Variants in TSPEAR observed in about 807,000 individuals in gnomAD.
The protein encoded by TSPEAR is thrombospondin-type laminin G domain and EAR repeat-containing protein.
In TSPEAR, 69 loss-of-function variants were observed where a neutral mutation model predicts 71.6. The ratio of observed to expected loss-of-function variants is 0.96; its 90% CI spans 0.79 to 1.18. The LOEUF is 1.18. Among genes scored for constraint, TSPEAR ranks in the 50% most tolerant of loss-of-function variants. The pLI, the probability that TSPEAR is intolerant of heterozygous loss-of-function variation, is 0.00. For missense variants in TSPEAR, 971 were observed against 894.9 expected, an observed-to-expected ratio of 1.09 and a Z score of -1.09; for synonymous variants, 402 against 387.2, an observed-to-expected ratio of 1.04 and a Z score of -0.45.
intron 1 of TSPEAR, among the ~76,000 whole-genome samples, chr21:44,706,554 C>T (rs1399307482): frequency 6.6e-6 from 1 of 152,242 alleles, no homozygotes; most frequent in East Asian, 1.9e-4. Context: ...CTCCGACCCA[C>T]ACGCAGCACT....
chr21:44,682,904 GGC>G (rs1986676593), intron 1 of TSPEAR, among the ~76,000 whole-genome samples: 1 of 152,184 alleles, frequency 6.6e-6, no homozygotes, highest in Non-Finnish European at 1.5e-5. Context: ...GTGGAGAGCA[GGC>G]CCCACACTGT....
intron 1 of TSPEAR, among the ~76,000 whole-genome samples, chr21:44,569,072 C>G (rs1355994241): frequency 6.6e-6 from 1 of 152,196 alleles, no homozygotes; most frequent in Non-Finnish European, 1.5e-5. Context: ...GAGAGCAGGA[C>G]TCCACTCCAG....
At chr21:44,646,741 T>C in intron 1 of TSPEAR, 3 of 1,614,038 alleles carry the variant, frequency 1.9e-6, no homozygotes, top group Non-Finnish European at 2.5e-6. Context: ...CTCCTCCCCC[T>C]GCCAGCAGGC....
intron 1 of TSPEAR, among the ~76,000 whole-genome samples, chr21:44,576,198 T>C (rs879994337): frequency 6.6e-6 from 1 of 152,120 alleles, no homozygotes; most frequent in Non-Finnish European, 1.5e-5. Flanking sequence ...GCAGTGGAGG[T>C]GGAGTTGTGA....
intron 2 of TSPEAR, among the ~76,000 whole-genome samples, chr21:44,564,066 G>C (rs1202710646): frequency 6.6e-6 from 1 of 151,866 alleles, no homozygotes; most frequent in Non-Finnish European, 1.5e-5. Flanking sequence ...AAAAAAAAAT[G>C]CTTATTTACA....
chr21:44,505,378 C>T (rs2052169019), intron 10 of TSPEAR, among the ~76,000 whole-genome samples: 1 of 152,206 alleles, frequency 6.6e-6, no homozygotes, highest in South Asian at 2.1e-4. Context: ...CATGCCTGGC[C>T]TCAAATTTTA....
chr21:44,702,175 T>G, intron 1 of TSPEAR: 5 of 1,469,872 alleles, frequency 3.4e-6, no homozygotes, highest in Non-Finnish European at 4.6e-6. Context: ...GAGACCACCA[T>G]CCACCCCACA....
At chr21:44,518,595 C>G in intron 9 of TSPEAR, 1 of 464,558 alleles carries the variant, frequency 2.2e-6, no homozygotes, top group Middle Eastern at 3.3e-4. Flanking sequence ...GCCTAGTTGA[C>G]GAGAAAGTCA....
At chr21:44,641,634 G>A (rs1403449472) in intron 1 of TSPEAR, among the ~76,000 whole-genome samples, 4 of 152,184 alleles carry the variant, frequency 2.6e-5, no homozygotes, top group African/African-American at 9.7e-5. Flanking sequence ...AGATGGGATC[G>A]AGGGGATGAA....
intron 1 of TSPEAR, among the ~76,000 whole-genome samples, chr21:44,708,124 C>T (rs552910426): frequency 6.6e-6 from 1 of 152,166 alleles, no homozygotes; most frequent in African/African-American, 2.4e-5. Context: ...CAAGTGTGCG[C>T]TGGGGGTAAC....
chr21:44,509,539 G>T (rs1292575774), intron 9 of TSPEAR, 153 bp from the exon 10 acceptor site: 1 of 598,652 alleles, frequency 1.7e-6, no homozygotes, highest in Non-Finnish European at 3.0e-6. Context: ...GGGTGAGCGG[G>T]CGCAGAGGTG....
intron 4 of TSPEAR, among the ~76,000 whole-genome samples, chr21:44,530,483 T>C (rs1458365446): frequency 6.6e-6 from 1 of 151,506 alleles, no homozygotes; most frequent in African/African-American, 2.4e-5. Context: ...ATCCATCCAT[T>C]CATCTTTCTC....
intron 1 of TSPEAR, among the ~76,000 whole-genome samples, chr21:44,636,461 G>C (rs1419973190): frequency 6.6e-6 from 1 of 152,190 alleles, no homozygotes; most frequent in Non-Finnish European, 1.5e-5. Flanking sequence ...GCCTGGGACA[G>C]TCACTCTGAT....
In TSPEAR at chr21:44,647,386, T is replaced by A. The variant is rs782598704; in HGVS notation, c.82+64047A>T. The A allele has an allele frequency of 3.1e-6, 5 of 1,602,102 alleles. No individual in the cohort carries two copies. In the East Asian group the frequency reaches 8.9e-5, roughly 29 times the overall value. ...CAATCCTTGTCTCCTGCTGACTGTGTCTTTGCTGCCAAGCAGGATTCTCCA... is the reference window on the plus strand; with the variant it reads ...CAATCCTTGTCTCCTGCTGACTGTGACTTTGCTGCCAAGCAGGATTCTCCA... On this transcript the variant is annotated intron_variant, in intron 1 of 11. Transcript: ENST00000323084.
chr21:44,575,188 G>C (rs1601435235), intron 1 of TSPEAR: 2 of 750,136 alleles, frequency 2.7e-6, no homozygotes, highest in East Asian at 5.4e-5. Flanking sequence ...CCTCTTGCGG[G>C]GGGAGGGGGG....
Position 44,565,594 on chromosome 21 carries a change from C to A in TSPEAR, c.303+2191G>T, listed in dbSNP as rs146361629. 6.1e-4 allele frequency among the ~76,000 whole-genome samples: 93 copies of A among 152,178 alleles called. No homozygotes were observed. In the East Asian group the frequency reaches 6.9e-3, roughly 11 times the overall value. The stretch of plus-strand genomic sequence containing the variant: ...AATCAATTAATGTAACACAACACAT[C>A]AACAGAATAAAAAACAAAAATAGCA... On this transcript the variant is annotated intron_variant, in intron 2 of 11. Transcript: ENST00000323084.
At chr21:44,597,074 C>T (rs400406) in intron 1 of TSPEAR, among the ~76,000 whole-genome samples, 31,524 of 151,960 alleles carry the variant, frequency 0.21, 6,448 homozygotes, top group African/African-American at 0.53. Context: ...ATTTTTCTTT[C>T]CCTTCCTATC....
At chr21:44,558,540 T>G (rs1167649964) in intron 2 of TSPEAR, 18 of 1,613,066 alleles carry the variant, frequency 1.1e-5, no homozygotes, top group East Asian at 4.5e-5. Flanking sequence ...ACAGGCCGCC[T>G]GGCAGCAGGG....
At chr21:44,581,336 G>A (rs1978957163) in intron 1 of TSPEAR, among the ~76,000 whole-genome samples, 1 of 152,198 alleles carries the variant, frequency 6.6e-6, no homozygotes, top group South Asian at 2.1e-4. Flanking sequence ...GCCTAAAAAT[G>A]TACTCAACTT....
Sources: allele counts gnomAD v4.1 joint callset (sites outside exome capture counted in the v4.1 genomes callset), GRCh38; gene constraint gnomAD v4.1.1; transcripts MANE v1.5; gene names NCBI Gene and HGNC (gene_info 2026-07-23, HGNC 2026-07-21).